VCL: variants seen among roughly 807,000 people sequenced by gnomAD.
The protein encoded by VCL is vinculin.
VCL carries 47 observed loss-of-function variants against 125.7 expected under a neutral mutation model. That is an observed-to-expected ratio of 0.37 (90% CI 0.30 to 0.48). The LOEUF (loss-of-function observed/expected upper bound fraction) is 0.48, where lower values mean the gene tolerates loss of function less well. VCL is among the 20% of genes least tolerant of loss of function. The pLI, the probability that VCL is intolerant of heterozygous loss-of-function variation, is 0.99. For synonymous variants in VCL, 458 were observed against 514.6 expected (o/e 0.89, Z 1.49); for missense variants, 1,069 against 1,455.5 (o/e 0.73, Z 4.32).
intron 19 of VCL, 27 bp from the exon 20 acceptor site, chr10:74,114,157 T>C (rs770102885): frequency 1.2e-6 from 2 of 1,611,560 alleles, no homozygotes; most frequent in Non-Finnish European, 1.7e-6. Flanking sequence ...TGGGCAGAGC[T>C]CACACTGTAT....
chr10:74,073,426 A>G (rs574488137), intron 5 of VCL, among the ~76,000 whole-genome samples: 2 of 152,276 alleles, frequency 1.3e-5, no homozygotes, highest in South Asian at 4.1e-4. Context: ...GTTCTCCTAA[A>G]GCTCTAACAA....
At chr10:74,002,024 G>T (rs894089740) in intron 1 of VCL, among the ~76,000 whole-genome samples, 1 of 152,100 alleles carries the variant, frequency 6.6e-6, no homozygotes, top group Non-Finnish European at 1.5e-5. Context: ...ATTTTCAATT[G>T]TTGTAATAGT....
At chr10:74,036,194 T>C (rs1386166538) in intron 1 of VCL, among the ~76,000 whole-genome samples, 1 of 152,032 alleles carries the variant, frequency 6.6e-6, no homozygotes, top group Non-Finnish European at 1.5e-5. Context: ...CTTTTCTCTG[T>C]TTTTGTTTTT....
intron 21 of VCL, among the ~76,000 whole-genome samples, chr10:74,117,067 G>T (rs1591722142): frequency 6.6e-6 from 1 of 152,176 alleles, no homozygotes; most frequent in African/African-American, 2.4e-5. Context: ...TTATAAGTTT[G>T]TGCGTTTGTT....
At chr10:74,087,596 G>A (rs1839807191) in intron 8 of VCL, among the ~76,000 whole-genome samples, 2 of 145,240 alleles carry the variant, frequency 1.4e-5, no homozygotes, top group African/African-American at 2.5e-5. Context: ...TCGTGACCTC[G>A]TGATCCGCCC....
intron 1 of VCL, among the ~76,000 whole-genome samples, chr10:74,011,205 A>G (rs1447376574): frequency 2.0e-5 from 3 of 151,786 alleles, no homozygotes; most frequent in East Asian, 3.9e-4. Flanking sequence ...ACGGGATCAA[A>G]TAACCATTGA....
intron 12 of VCL, among the ~76,000 whole-genome samples, chr10:74,096,456 A>T (rs1048491279): frequency 1.3e-5 from 2 of 152,220 alleles, no homozygotes; most frequent in African/African-American, 4.8e-5. Flanking sequence ...AAAGAAACAC[A>T]TAATTATTAA....
At chr10:74,114,099 C>T (rs1270017233) in intron 19 of VCL, 85 bp from the exon 20 acceptor site, 15 of 1,542,112 alleles carry the variant, frequency 9.7e-6, no homozygotes. Flanking sequence ...TGGCAAGCTC[C>T]CTCCTCTTCT....
chr10:74,020,609 G>A (rs1424621878), intron 1 of VCL, among the ~76,000 whole-genome samples: 3 of 152,090 alleles, frequency 2.0e-5, no homozygotes, highest in Non-Finnish European at 2.9e-5. Flanking sequence ...GGGAGACCGA[G>A]GTGGGTGGAC....
intron 1 of VCL, among the ~76,000 whole-genome samples, chr10:74,022,687 A>T (rs1340801893): frequency 1.3e-5 from 2 of 149,774 alleles, no homozygotes; most frequent in African/African-American, 4.9e-5. Context: ...CCCAGGCTGG[A>T]GTGCAATGAC....
At chr10:74,014,631 C>A (rs1255301538) in intron 1 of VCL, among the ~76,000 whole-genome samples, 7 of 151,600 alleles carry the variant, frequency 4.6e-5, no homozygotes, top group African/African-American at 1.7e-4. Flanking sequence ...TAAGATAGAA[C>A]CAGCTTTCCA....
chr10:74,045,622 C>CA (rs71482565), intron 2 of VCL, among the ~76,000 whole-genome samples: 40,364 of 92,766 alleles, frequency 0.44, 7,817 homozygotes, highest in Middle Eastern at 0.54. Context: ...GACTCTGTCT[C>CA]AAAAAAAAAA....
Position 74,095,676 on chromosome 10 carries a change from C to A in VCL, c.1564C>A (p.Leu522Ile). ...RGVGQAAIRGLVAEGHRLANV... is the reference protein window; with the variant it reads ...RGVGQAAIRGIVAEGHRLANV... Reference sequence around the variant, plus strand: ...TCCAGGTCAGGCTGCCATCCGGGGGCTTGTGGCCGAAGGGCATCGTCTGGC... The same window carrying A: ...TCCAGGTCAGGCTGCCATCCGGGGGATTGTGGCCGAAGGGCATCGTCTGGC... Residue 522 changes from leucine (L) to isoleucine (I), a missense_variant, in exon 12 of 22, where the codon CTT becomes ATT. Leu to Ile is a conservative substitution (Grantham distance 5). Coordinates refer to ENST00000211998, the MANE Select transcript of VCL (RefSeq NM_014000.3). 2 of 1,614,076 alleles carry A rather than the reference C, an allele frequency of 1.2e-6. No individual in the cohort carries two copies. The highest frequency in any genetic ancestry group is 1.7e-6 in the Non-Finnish European group (2 of 1,180,042).
chr10:74,114,300 C>T lies in VCL; in HGVS notation c.3066C>T (p.Ile1022=), dbSNP rs138619320. 151 of 1,613,904 alleles carry T rather than the reference C, an allele frequency of 9.4e-5. No individual in the cohort carries two copies. The highest frequency in any genetic ancestry group is 3.3e-4 in the Admixed American group (20 of 59,986). ...CACTCATTCAGTGTGCCAAGGACAT[C>T]GCCAAGGCCTCAGATGAGGTGACTC... ...KRALIQCAKD[I]AKASDEVTRL... Residue 1022 remains isoleucine, a synonymous_variant, in exon 20 of 22, where the codon ATC becomes ATT. Coordinates refer to ENST00000211998, the MANE Select transcript of VCL (RefSeq NM_014000.3).
chr10:74,103,785 T>G (rs751884804), intron 14 of VCL, 35 bp from the exon 15 acceptor site: 1 of 1,588,892 alleles, frequency 6.3e-7, no homozygotes, highest in Non-Finnish European at 8.6e-7. Context: ...AGAGCAAGGG[T>G]GCTCTGGTGT....
At chr10:74,100,291 A>G (rs1840031577) in intron 13 of VCL, among the ~76,000 whole-genome samples, 1 of 152,238 alleles carries the variant, frequency 6.6e-6, no homozygotes, top group Admixed American at 6.5e-5. Flanking sequence ...GTTAAAGGAA[A>G]CATTAACTTT....
chr10:74,113,902 C>CT (rs1201101125), intron 19 of VCL, among the ~76,000 whole-genome samples: 14 of 152,108 alleles, frequency 9.2e-5, no homozygotes, highest in Admixed American at 7.2e-4. Context: ...CTGGGTCTTC[C>CT]TTTTTTTTAG....
chr10:74,009,226 C>CA (rs35607264), intron 1 of VCL, among the ~76,000 whole-genome samples: 3 of 126,246 alleles, frequency 2.4e-5, no homozygotes, highest in Non-Finnish European at 5.1e-5. Context: ...TCCCCCCCCC[C>CA]CCCCGAGCCA....
chr10:74,101,180 C>A, intron 14 of VCL, 83 bp downstream of exon 14: 1 of 1,537,296 alleles, frequency 6.5e-7, no homozygotes, highest in South Asian at 1.2e-5. Context: ...TGAATACTTA[C>A]CGTAAGATGG....
Sources: allele counts gnomAD v4.1 joint callset (sites outside exome capture counted in the v4.1 genomes callset), GRCh38; gene constraint gnomAD v4.1.1; transcripts MANE v1.5; gene names NCBI Gene and HGNC (gene_info 2026-07-23, HGNC 2026-07-21).